Variants in GPC5 observed in about 807,000 individuals in gnomAD.
GPC5 encodes the protein glypican 5.
A neutral mutation model predicts 53.9 loss-of-function variants in GPC5; 47 were observed. The observed-to-expected ratio is 0.87, with a 90% CI of 0.69 to 1.11. GPC5 has a LOEUF of 1.11. Ranked by LOEUF, GPC5 falls within the 50% of genes most tolerant of loss-of-function variation. The pLI is 0.00. For missense variants in GPC5, 748 were observed against 713.1 expected (o/e 1.05, Z -0.56); for synonymous variants, 286 against 263.3 (o/e 1.09, Z -0.84).
At chr13:91,442,603 G>C (rs995684323) in intron 1 of GPC5, among the ~76,000 whole-genome samples, 3 of 152,192 alleles carry the variant, frequency 2.0e-5, no homozygotes, top group African/African-American at 7.2e-5. Flanking sequence ...TTTCCAGTCT[G>C]TATATTGCTG....
chr13:92,700,075 A>G (rs1053413073), intron 7 of GPC5, among the ~76,000 whole-genome samples: 3 of 152,102 alleles, frequency 2.0e-5, no homozygotes, highest in African/African-American at 7.2e-5. Context: ...GTATCTTTGT[A>G]GGTTTCTAAG....
At chr13:92,519,775 G>A (rs1486141760) in intron 7 of GPC5, among the ~76,000 whole-genome samples, 2 of 152,064 alleles carry the variant, frequency 1.3e-5, no homozygotes, top group Non-Finnish European at 2.9e-5. Context: ...AAATAACTAA[G>A]ATCAGAGAAG....
chr13:91,665,310 T>C (rs2035081648), intron 2 of GPC5, among the ~76,000 whole-genome samples: 1 of 152,230 alleles, frequency 6.6e-6, no homozygotes. Context: ...AGATTATGAC[T>C]ATCATATAGA....
intron 7 of GPC5, among the ~76,000 whole-genome samples, chr13:92,205,317 T>C (rs1232236970): frequency 6.6e-6 from 1 of 152,196 alleles, no homozygotes; most frequent in Non-Finnish European, 1.5e-5. Flanking sequence ...GCATGATTGA[T>C]TGATTAATTA....
At chr13:92,732,954 C>T (rs1199125005) in intron 7 of GPC5, among the ~76,000 whole-genome samples, 1 of 151,510 alleles carries the variant, frequency 6.6e-6, no homozygotes, top group Admixed American at 6.6e-5. Context: ...TGTCACTTGC[C>T]CCAAGGTCCG....
Position 91,960,706 on chromosome 13 carries a change from C to T in GPC5, c.1401+52649C>T, listed in dbSNP as rs74993093. ...AACATGGTATGTATATAAAAAGAGACGTGGATAAATGGAACAGAATGATGA... is the reference window on the plus strand; with the variant it reads ...AACATGGTATGTATATAAAAAGAGATGTGGATAAATGGAACAGAATGATGA... On this transcript the variant is annotated intron_variant, in intron 6 of 7. Coordinates refer to ENST00000377067, the MANE Select transcript of GPC5 (RefSeq NM_004466.6). Among the ~76,000 whole-genome samples the T allele has an allele frequency of 4.5e-3, 687 of 151,904 alleles. 5 individuals are homozygous for T. The highest frequency in any genetic ancestry group is 0.014 in the Middle Eastern group (4 of 294).
chr13:91,591,688 T>G (rs1237995518), intron 2 of GPC5, among the ~76,000 whole-genome samples: 1 of 152,228 alleles, frequency 6.6e-6, no homozygotes, highest in Non-Finnish European at 1.5e-5. Context: ...TAACTCATTT[T>G]TCAAGCTCTG....
At chr13:91,443,063 A>G (rs1294671261) in intron 1 of GPC5, among the ~76,000 whole-genome samples, 1 of 152,196 alleles carries the variant, frequency 6.6e-6, no homozygotes, top group African/African-American at 2.4e-5. Context: ...GGATTTAAGC[A>G]TATTTGATTG....
intron 6 of GPC5, among the ~76,000 whole-genome samples, chr13:92,086,929 G>A (rs1302540293): frequency 6.6e-6 from 1 of 152,160 alleles, no homozygotes; most frequent in Non-Finnish European, 1.5e-5. Flanking sequence ...AAAGTGCTGG[G>A]ATTACAAGTG....
At chr13:92,689,453 T>C (rs1887330054) in intron 7 of GPC5, among the ~76,000 whole-genome samples, 1 of 80,636 alleles carries the variant, frequency 1.2e-5, no homozygotes, top group Non-Finnish European at 2.6e-5. Flanking sequence ...TTTGAGCCTA[T>C]GTGTGTCTCT....
chr13:91,571,847 ATATACACATATACGTG>A (rs2031835362), intron 2 of GPC5, among the ~76,000 whole-genome samples: 4 of 80,778 alleles, frequency 5.0e-5, no homozygotes, highest in Non-Finnish European at 6.3e-5. Context: ...ACTTGTGTGT[ATATACACATATACGTG>A]TGTGTATATA....
intron 6 of GPC5, among the ~76,000 whole-genome samples, chr13:91,917,652 C>A (rs1380110888): frequency 2.0e-5 from 3 of 152,204 alleles, no homozygotes; most frequent in Non-Finnish European, 4.4e-5. Flanking sequence ...CCTAAATCAT[C>A]TCTCTCAAGT....
At chr13:92,677,679 G>A (rs1207467348) in intron 7 of GPC5, among the ~76,000 whole-genome samples, 1 of 152,180 alleles carries the variant, frequency 6.6e-6, no homozygotes, top group Non-Finnish European at 1.5e-5. Context: ...GACGTGCAGA[G>A]GCAAAAGTAG....
intron 7 of GPC5, among the ~76,000 whole-genome samples, chr13:92,500,694 T>C (rs771597425): frequency 6.6e-6 from 1 of 152,126 alleles, no homozygotes; most frequent in Non-Finnish European, 1.5e-5. Context: ...CTTGCAGCTA[T>C]CCAAGGAAGA....
intron 6 of GPC5, among the ~76,000 whole-genome samples, chr13:91,911,499 C>T (rs1212089636): frequency 6.6e-6 from 1 of 152,098 alleles, no homozygotes; most frequent in Non-Finnish European, 1.5e-5. Context: ...GCCAAGATGG[C>T]ACCACTGCAC....
At chr13:91,456,439 C>G (rs1278975982) in intron 2 of GPC5, among the ~76,000 whole-genome samples, 1 of 151,520 alleles carries the variant, frequency 6.6e-6, no homozygotes, top group Non-Finnish European at 1.5e-5. Context: ...ACCAATTTAT[C>G]TTAGGAATGT....
At chr13:91,469,441 T>C (rs775150098) in intron 2 of GPC5, among the ~76,000 whole-genome samples, 4 of 151,848 alleles carry the variant, frequency 2.6e-5, no homozygotes, top group Admixed American at 6.6e-5. Flanking sequence ...CTCTTTTTTT[T>C]TGGGTAAAGA....
Position 92,378,877 on chromosome 13 carries a change from G to A in GPC5, c.1561+233888G>A, listed in dbSNP as rs144348445. On this transcript the variant is annotated intron_variant, in intron 7 of 7. Transcript: ENST00000377067. ...CTTACCTTGCTTTGACTTCTTAAAGGTTTTTACTTGATGAAGGGCTCTAAC... is the reference window on the plus strand; with the variant it reads ...CTTACCTTGCTTTGACTTCTTAAAGATTTTTACTTGATGAAGGGCTCTAAC... 3.9e-5 allele frequency among the ~76,000 whole-genome samples: 6 copies of A among 152,270 alleles called. No individual in the cohort carries two copies. In the East Asian group the frequency reaches 1.2e-3, roughly 29 times the overall value.
chr13:92,475,829 T>C (rs1879100907), intron 7 of GPC5, among the ~76,000 whole-genome samples: 1 of 151,992 alleles, frequency 6.6e-6, no homozygotes, highest in South Asian at 2.1e-4. Flanking sequence ...CTGGGAAAAC[T>C]GGCTAGCCAT....
Sources: gnomAD v4.1 joint callset for allele counts (sites outside exome capture counted in the v4.1 genomes callset) on GRCh38, gnomAD v4.1.1 for gene constraint, MANE v1.5 for transcripts, NCBI Gene and HGNC (gene_info 2026-07-23, HGNC 2026-07-21) for gene names.